CLVS1: variants seen among roughly 807,000 people sequenced by gnomAD.
CLVS1 encodes clavesin 1.
In CLVS1, 10 loss-of-function variants were observed where a neutral mutation model predicts 33.1. The observed-to-expected ratio is 0.30, with a 90% confidence interval of 0.19 to 0.51. CLVS1 has a LOEUF of 0.51. Ranked by LOEUF, CLVS1 falls within the 20% of genes least tolerant of loss-of-function variation. CLVS1 has a pLI of 0.97. For synonymous variants in CLVS1, 163 were observed against 166.1 expected (o/e 0.98, Z 0.14); for missense variants, 343 against 433.4 (o/e 0.79, Z 1.85).
chr8:61,050,006 G>T, the CLVS1 span, among the ~76,000 whole-genome samples: 13 of 152,218 alleles, frequency 8.5e-5, no homozygotes, highest in Non-Finnish European at 1.8e-4. Context: ...GTTGTAATAA[G>T]GCTGCTATTG....
chr8:61,090,218 G>A lies in CLVS1; in HGVS notation c.-243+32988G>A, dbSNP rs149730786. ...GTAACTTGAGATTTAGAGACCTGAC[G>A]TACCTTAAACACACATTTAAGAACT... On this transcript the variant is annotated intron_variant, in intron 1 of 2. Transcript: ENST00000522621. 5.3e-5 allele frequency among the ~76,000 whole-genome samples: 8 copies of A among 152,238 alleles called. No homozygotes were observed. In the East Asian group the frequency reaches 9.6e-4, roughly 18 times the overall value.
the CLVS1 span, chr8:60,967,584 C>T: frequency 1.5e-5 from 7 of 454,260 alleles, no homozygotes; most frequent in African/African-American, 1.2e-4. Flanking sequence ...CTGTCGTCTG[C>T]GCAGCATTCA....
At chr8:61,303,880 T>C (rs1317590870) in intron 2 of CLVS1, among the ~76,000 whole-genome samples, 4 of 152,234 alleles carry the variant, frequency 2.6e-5, no homozygotes, top group Admixed American at 2.0e-4. Flanking sequence ...GTATTATCAC[T>C]AATACTATGA....
intron 1 of CLVS1, among the ~76,000 whole-genome samples, chr8:61,089,706 G>T (rs1242627235): frequency 3.3e-5 from 5 of 151,834 alleles, no homozygotes; most frequent in Non-Finnish European, 7.4e-5. Flanking sequence ...AATGCTTGAG[G>T]CCAGTGGTAT....
intron 5 of CLVS1, among the ~76,000 whole-genome samples, chr8:61,494,970 C>T (rs992356947): frequency 4.6e-5 from 7 of 152,112 alleles, no homozygotes; most frequent in Non-Finnish European, 8.8e-5. Context: ...TGTTTGGTTC[C>T]TCGGCCTCAC....
the CLVS1 span, among the ~76,000 whole-genome samples, chr8:61,033,155 G>GAA: frequency 7.6e-5 from 10 of 131,738 alleles, no homozygotes; most frequent in African/African-American, 2.9e-4. Flanking sequence ...AAGAAAGAAA[G>GAA]AAAGAAAAAG....
intron 2 of CLVS1, among the ~76,000 whole-genome samples, chr8:61,245,243 G>C (rs1006886333): frequency 6.6e-6 from 1 of 151,826 alleles, no homozygotes; most frequent in African/African-American, 2.4e-5. Context: ...TCTGTTGGTA[G>C]GTGATCTCAG....
chr8:61,014,085 GT>G, the CLVS1 span, among the ~76,000 whole-genome samples: 45,829 of 126,736 alleles, frequency 0.36, 7,859 homozygotes, highest in African/African-American at 0.56. Flanking sequence ...ACTTTTTAGT[GT>G]TTTTTTTTTT....
At chr8:61,053,122 G>T (rs182126072), upstream of CLVS1, among the ~76,000 whole-genome samples, 252 of 152,248 alleles carry the variant, frequency 1.7e-3, 1 homozygote, top group Non-Finnish European at 1.8e-3. Flanking sequence ...GAGTGGGGTC[G>T]ACCAGGAGCT....
chr8:61,027,772 A>G, the CLVS1 span, among the ~76,000 whole-genome samples: 1 of 152,136 alleles, frequency 6.6e-6, no homozygotes, highest in African/African-American at 2.4e-5. Flanking sequence ...AAACATCTGC[A>G]TTATTTTTCA....
chr8:61,361,313 G>T (rs780526411), intron 2 of CLVS1, among the ~76,000 whole-genome samples: 1 of 152,194 alleles, frequency 6.6e-6, no homozygotes, highest in Non-Finnish European at 1.5e-5. Flanking sequence ...TGTCAGGGAA[G>T]AATGCACAGA....
Position 61,139,262 on chromosome 8 carries a change from A to C in CLVS1, c.-152+7402A>C, listed in dbSNP as rs192192027. Among the ~76,000 whole-genome samples the C allele has an allele frequency of 3.7e-4, 56 of 152,334 alleles. No homozygotes were observed. In the East Asian group the frequency reaches 8.9e-3, roughly 24 times the overall value. On this transcript the variant is annotated intron_variant, in intron 2 of 2. Transcript: ENST00000522621. ...AGCGCCCGCGAGGCGCCGCGGGGGC[A>C]GCGGAACCGCAGGACCCCAGCTCCG...
intron 2 of CLVS1, among the ~76,000 whole-genome samples, chr8:61,152,675 C>T (rs1397506877): frequency 1.3e-5 from 2 of 152,162 alleles, no homozygotes; most frequent in Non-Finnish European, 2.9e-5. Flanking sequence ...CAGGGCATAG[C>T]ACCTCTCAAA....
intron 5 of CLVS1, among the ~76,000 whole-genome samples, chr8:61,474,618 G>A (rs879663647): frequency 1.3e-5 from 2 of 152,136 alleles, no homozygotes; most frequent in Admixed American, 1.3e-4. Context: ...GTAGGAGAGG[G>A]AACAATTGAT....
chr8:61,177,278 C>T (rs1807131838), intron 2 of CLVS1, among the ~76,000 whole-genome samples: 1 of 152,150 alleles, frequency 6.6e-6, no homozygotes, highest in African/African-American at 2.4e-5. Flanking sequence ...TGGGCAGGGC[C>T]TCCCTGCAGG....
intron 2 of CLVS1, among the ~76,000 whole-genome samples, chr8:61,184,733 G>A (rs954794932): frequency 6.6e-6 from 1 of 152,152 alleles, no homozygotes; most frequent in African/African-American, 2.4e-5. Flanking sequence ...AGAGAAGAGG[G>A]GAGGATTTTG....
At chr8:61,073,933 A>G (rs7846231) in intron 1 of CLVS1, among the ~76,000 whole-genome samples, 83,586 of 149,616 alleles carry the variant, frequency 0.56, 26,203 homozygotes, top group African/African-American at 0.85. Flanking sequence ...AATGGCGTGA[A>G]CCAGTGGGGC....
chr8:61,180,145 T>A (rs534992313), intron 2 of CLVS1, among the ~76,000 whole-genome samples: 75 of 151,838 alleles, frequency 4.9e-4, no homozygotes, highest in African/African-American at 1.5e-3. Context: ...CAATAAAAAA[T>A]GATAAAGGGG....
At chr8:61,407,379 TC>T (rs1309630791) in intron 3 of CLVS1, among the ~76,000 whole-genome samples, 2 of 152,258 alleles carry the variant, frequency 1.3e-5, no homozygotes, top group African/African-American at 4.8e-5. Flanking sequence ...ATTAGTATTT[TC>T]AAATGTAATT....
Sources: gnomAD v4.1 joint callset for allele counts (sites outside exome capture counted in the v4.1 genomes callset) on GRCh38, gnomAD v4.1.1 for gene constraint, MANE v1.5 for transcripts, NCBI Gene and HGNC (gene_info 2026-07-23, HGNC 2026-07-21) for gene names.